CLMN: variants seen among roughly 807,000 people sequenced by gnomAD.
CLMN encodes the protein calmin, also known as calmin (calponin-like, transmembrane).
A neutral mutation model predicts 92.7 loss-of-function variants in CLMN; 57 were observed. The ratio of observed to expected loss-of-function variants is 0.61; its 90% CI spans 0.50 to 0.77. The LOEUF is 0.77. CLMN is among the 30% of genes least tolerant of loss of function. The pLI, the probability that CLMN is intolerant of heterozygous loss-of-function variation, is 0.00. For missense variants in CLMN, 1,158 were observed against 1,237.5 expected (o/e 0.94, Z 0.96); for synonymous variants, 466 against 470.6 (o/e 0.99, Z 0.13).
At position 95,183,797 on chromosome 14, in the gene CLMN, C is replaced by G. The variant is rs1896379439; in HGVS notation, c.*7767G>C. The G allele has an allele frequency of 6.6e-6, 1 of 152,188 alleles. No homozygotes were observed. Among genetic ancestry groups the G allele is most frequent in the Non-Finnish European group, 1.5e-5 (1 of 68,020 alleles). 9.4% of individuals were successfully genotyped at this position (152,188 alleles called of 1,614,324 possible). A position where few individuals can be genotyped will look rare whatever the true frequency, so the allele number is the denominator to read the frequency against. Reference sequence around the variant, plus strand: ...TTTAGAGTGTTTGAAAATAACAGTCCTATGTTCCCAGTTCTGCTACTTACT... The same window carrying G: ...TTTAGAGTGTTTGAAAATAACAGTCGTATGTTCCCAGTTCTGCTACTTACT... On this transcript the variant is annotated 3_prime_UTR_variant, in exon 13 of 13. Coordinates refer to ENST00000298912, the MANE Select transcript of CLMN (RefSeq NM_024734.4).
intron 1 of CLMN, among the ~76,000 whole-genome samples, chr14:95,252,249 C>T (rs529502711): frequency 1.3e-5 from 2 of 152,326 alleles, no homozygotes; most frequent in South Asian, 4.1e-4. Context: ...TGCCTGGCCT[C>T]GACCATTTAC....
chr14:95,221,959 T>C (rs1392621123), intron 3 of CLMN, among the ~76,000 whole-genome samples, 185 bp from the exon 4 acceptor site: 1 of 152,156 alleles, frequency 6.6e-6, no homozygotes, highest in African/African-American at 2.4e-5. Context: ...GACATACAAA[T>C]GTGACATCAG....
At chr14:95,216,306 A>G (rs1200003944) in intron 4 of CLMN, among the ~76,000 whole-genome samples, 2 of 152,182 alleles carry the variant, frequency 1.3e-5, no homozygotes, top group Non-Finnish European at 2.9e-5. Flanking sequence ...ATGACCTCCC[A>G]CCAGGTCCCT....
At chr14:95,211,752 T>A (rs1029054102) in intron 6 of CLMN, among the ~76,000 whole-genome samples, 1 of 152,164 alleles carries the variant, frequency 6.6e-6, no homozygotes, top group African/African-American at 2.4e-5. Context: ...CTCTACTCTT[T>A]CCCCAGCTTC....
chr14:95,198,042 C>CTTTTTTTTTTTTTTTT (rs1019598103), intron 9 of CLMN, among the ~76,000 whole-genome samples: 2 of 69,964 alleles, frequency 2.9e-5, no homozygotes, highest in Admixed American at 1.7e-4. Context: ...TTTTTTCTTT[C>CTTTTTTTTTTTTTTTT]TTTTTTTTTT....
At chr14:95,245,216 ATATATATATT>A (rs1898459933) in intron 1 of CLMN, among the ~76,000 whole-genome samples, 7 of 35,938 alleles carry the variant, frequency 1.9e-4, no homozygotes, top group East Asian at 9.7e-4. Flanking sequence ...TATTATATAT[ATATATATATT>A]ATATATATAT....
At chr14:95,196,791 G>T in intron 9 of CLMN, 97 bp from the exon 10 acceptor site, 2 of 1,197,604 alleles carry the variant, frequency 1.7e-6, no homozygotes, top group Non-Finnish European at 1.2e-6. Flanking sequence ...CCCAGCCAGG[G>T]CGTCCCTTCC....
chr14:95,280,328 T>C lies in CLMN; in HGVS notation c.82+39383A>G, dbSNP rs181366059. Among the ~76,000 whole-genome samples the C allele has an allele frequency of 8.2e-3, 1,251 of 152,358 alleles. 11 individuals carry two copies. The highest frequency in any genetic ancestry group is 0.013 in the Non-Finnish European group (880 of 68,034). On this transcript the variant is annotated intron_variant, in intron 1 of 12. Transcript: ENST00000298912. ...GGGTTTGATATTAATAGGACACTAA[T>C]GCAAAGGTAAAATTTGGCTAGATTC...
intron 8 of CLMN, 106 bp downstream of exon 8, chr14:95,209,289 G>C: frequency 1.0e-6 from 1 of 972,892 alleles, no homozygotes; most frequent in Admixed American, 1.8e-5. Context: ...TGGCGATTTT[G>C]ACTGCTAGTT....
Position 95,191,812 on chromosome 14 carries a change from TC to T in CLMN, c.2841-81del. 5 of 1,412,058 alleles carry T rather than the reference TC, an allele frequency of 3.5e-6. No individual in the cohort carries two copies. Among genetic ancestry groups the T allele is most frequent in the Non-Finnish European group, 3.8e-6 (4 of 1,049,640 alleles). The allele number at this position is 1,412,058 out of a possible 1,614,324, so 87.5% of individuals were successfully genotyped here. A position where few individuals can be genotyped will look rare whatever the true frequency, so the allele number is the denominator to read the frequency against. On this transcript the variant is annotated intron_variant, in intron 12 of 12. Coordinates refer to ENST00000298912, the MANE Select transcript of CLMN (RefSeq NM_024734.4). The surrounding 1 kb of genome is among the most constrained non-coding windows in gnomAD (Gnocchi z 5.3). ...GACCCCACCCAGTGCTACCCGTCTCTCCCCGGCCCCCACTCCCCGCCTGAAG... is the reference window on the plus strand; with the variant it reads ...GACCCCACCCAGTGCTACCCGTCTCTCCCGGCCCCCACTCCCCGCCTGAAG...
In CLMN at chr14:95,203,883, AC is replaced by A. The variant is rs1176788889; in HGVS notation, c.1465del (p.Val489SerfsTer24). 9 of 1,613,988 alleles carry A rather than the reference AC, an allele frequency of 5.6e-6. No homozygotes were observed. The highest frequency in any genetic ancestry group is 7.6e-6 in the Non-Finnish European group (9 of 1,180,010). On this transcript the variant is annotated frameshift_variant, in exon 9 of 13. Transcript: ENST00000298912. LOFTEE classifies it high-confidence loss of function. ...SKIPESSSDK[V>X]AGDIFLVEGT... is the part of the protein sequence containing the mutation. The stretch of plus-strand genomic sequence containing the variant: ...CTCCACCAAAAAAATGTCACCAGCG[AC>A]CTTGTCAGAGGAGGATTCTGGAATC...
rs993691328 is a variant in CLMN at position 95,298,703 on chromosome 14, C to T, written c.82+21008G>A. 3.9e-5 allele frequency among the ~76,000 whole-genome samples: 6 copies of T among 152,334 alleles called. No homozygotes were observed. The South Asian group carries it at 6.2e-4, about 16-fold the overall frequency. On this transcript the variant is annotated intron_variant, in intron 1 of 12. Transcript: ENST00000298912. ...TTTGCAAAAAGAGGTACATCTATAC[C>T]TGCAAAGGAAGACAGCAGGAGAGAC...
intron 1 of CLMN, among the ~76,000 whole-genome samples, chr14:95,252,843 C>T (rs572241946): frequency 6.6e-6 from 1 of 152,314 alleles, no homozygotes; most frequent in South Asian, 2.1e-4. Context: ...GGTAAAGCAT[C>T]CTGCCCCCAT....
chr14:95,257,261 C>A (rs572184839), intron 1 of CLMN, among the ~76,000 whole-genome samples: 52 of 152,282 alleles, frequency 3.4e-4, no homozygotes, highest in African/African-American at 1.2e-3. Flanking sequence ...CTGTCAACCG[C>A]CCGCTGCATC....
At chr14:95,244,833 C>A (rs2140662400) in intron 1 of CLMN, among the ~76,000 whole-genome samples, 1 of 151,892 alleles carries the variant, frequency 6.6e-6, no homozygotes, top group East Asian at 2.0e-4. Flanking sequence ...ACTAACAGAT[C>A]CCCTTCCAAT....
rs1159163093 is a variant in CLMN, at chr14:95,187,698, C to G, written c.*3866G>C. On this transcript the variant is annotated 3_prime_UTR_variant, in exon 13 of 13. Coordinates refer to ENST00000298912, the MANE Select transcript of CLMN (RefSeq NM_024734.4). ...AAATACTCACGGGTGATGAGGCTGCCTGCTCAGCGGTCAGGACTCGGGCAC... is the reference window on the plus strand; with the variant it reads ...AAATACTCACGGGTGATGAGGCTGCGTGCTCAGCGGTCAGGACTCGGGCAC... The G allele has an allele frequency of 1.3e-5, 2 of 152,422 alleles. No individual in the cohort carries two copies. Among genetic ancestry groups the G allele is most frequent in the Admixed American group, 1.3e-4 (2 of 15,304 alleles). The allele number at this position is 152,422 out of a possible 1,614,324, so 9.4% of individuals were successfully genotyped here.
chr14:95,262,601 T>G (rs1336140764), intron 1 of CLMN, among the ~76,000 whole-genome samples: 1 of 152,190 alleles, frequency 6.6e-6, no homozygotes, highest in Non-Finnish European at 1.5e-5. Flanking sequence ...GATCTTACTC[T>G]ATTGTCCAGG....
intron 1 of CLMN, among the ~76,000 whole-genome samples, chr14:95,283,421 C>T (rs1194824296): frequency 6.6e-6 from 1 of 152,128 alleles, no homozygotes; most frequent in East Asian, 1.9e-4. Flanking sequence ...CAGTAGAGTG[C>T]AGCATTGCTG....
At chr14:95,264,435 T>A (rs1423721480) in intron 1 of CLMN, among the ~76,000 whole-genome samples, 1 of 152,114 alleles carries the variant, frequency 6.6e-6, no homozygotes, top group Non-Finnish European at 1.5e-5. Context: ...CCTGGGTTAG[T>A]CCCGTAAAAC....
Sources: allele counts gnomAD v4.1 joint callset (sites outside exome capture counted in the v4.1 genomes callset), GRCh38; gene constraint gnomAD v4.1.1; non-coding constraint Gnocchi (gnomAD v3.1); transcripts MANE v1.5; gene names NCBI Gene and HGNC (gene_info 2026-07-23, HGNC 2026-07-21).